Variants in RAB28 observed in about 807,000 individuals in gnomAD.
RAB28 encodes ras-related protein Rab-28.
A neutral mutation model predicts 31.7 loss-of-function variants in RAB28; 24 were observed. The observed-to-expected ratio is 0.76, with a 90% confidence interval of 0.55 to 1.06. The LOEUF (loss-of-function observed/expected upper bound fraction) is 1.06. Ranked by LOEUF, RAB28 falls within the 50% of genes least tolerant of loss-of-function variation. RAB28 has a pLI of 0.00. For synonymous variants in RAB28, 100 were observed against 90.4 expected, an observed-to-expected ratio of 1.11 and a Z score of -0.60; for missense variants, 254 against 258.5, an observed-to-expected ratio of 0.98 and a Z score of 0.12.
intron 4 of RAB28, among the ~76,000 whole-genome samples, chr4:13,392,722 C>T (rs1030731476): frequency 3.3e-5 from 5 of 152,008 alleles, no homozygotes; most frequent in South Asian, 4.1e-4. Flanking sequence ...TTTTCTTGAA[C>T]GTTGCTAAGA....
intron 4 of RAB28, among the ~76,000 whole-genome samples, chr4:13,385,622 C>G (rs1051122497): frequency 1.3e-5 from 2 of 152,136 alleles, no homozygotes; most frequent in African/African-American, 4.8e-5. Flanking sequence ...CCTTTTCAGA[C>G]AAGCAAATGC....
intron 5 of RAB28, among the ~76,000 whole-genome samples, chr4:13,379,366 C>A (rs1729045141): frequency 6.6e-6 from 1 of 151,972 alleles, no homozygotes; most frequent in Non-Finnish European, 1.5e-5. Flanking sequence ...TTTCTCTGGT[C>A]ATGTTCATGG....
chr4:13,484,221 G>A lies in RAB28; in HGVS notation c.-71C>T, dbSNP rs1437254838. The A allele has an allele frequency of 7.1e-6, 9 of 1,275,954 alleles. No homozygotes were observed. The highest frequency in any genetic ancestry group is 1.0e-5 in the Non-Finnish European group (9 of 897,770). The allele number at this position is 1,275,954 out of a possible 1,614,324, so 79.0% of individuals were successfully genotyped here. ...GAAGGATGAAGGCTCCGGGGGCGGG[G>A]GAGAGGAGGAAGGGAGGTAGTTGCG... On this transcript the variant is annotated 5_prime_UTR_variant, in exon 1 of 7. Coordinates refer to ENST00000330852, the MANE Select transcript of RAB28 (RefSeq NM_001017979.3).
chr4:13,483,591 C>T (rs1716717141), intron 1 of RAB28, among the ~76,000 whole-genome samples: 1 of 152,196 alleles, frequency 6.6e-6, no homozygotes, highest in South Asian at 2.1e-4. Flanking sequence ...AACTGATTAG[C>T]AATTTGCCCT....
At chr4:13,483,932 G>A (rs1716740628) in intron 1 of RAB28, 144 bp downstream of exon 1, 2 of 710,908 alleles carry the variant, frequency 2.8e-6, no homozygotes, top group South Asian at 1.9e-5. Context: ...CTTCGTGTCC[G>A]GCCTCAGGCC....
chr4:13,458,925 T>C (rs900096455), intron 4 of RAB28, among the ~76,000 whole-genome samples: 1 of 152,208 alleles, frequency 6.6e-6, no homozygotes, highest in Non-Finnish European at 1.5e-5. Context: ...GGATGCAAAG[T>C]ATTGTTCCTG....
rs982458199 is a variant in RAB28, at chr4:13,384,213, T to C, written c.392-2619A>G. Among the ~76,000 whole-genome samples, 4 of 152,194 alleles carry C rather than the reference T, an allele frequency of 2.6e-5. No homozygotes were observed. In the East Asian group the frequency reaches 7.7e-4, roughly 29 times the overall value. On this transcript the variant is annotated intron_variant, in intron 4 of 6. Transcript: ENST00000330852. ...CATGCACAGAGGGCAGGCACAGACC[T>C]GCACCCGCCAGCACCCGACCCCCAT...
chr4:13,404,116 T>C (rs1174477353), intron 4 of RAB28, among the ~76,000 whole-genome samples: 2 of 152,202 alleles, frequency 1.3e-5, no homozygotes, highest in Non-Finnish European at 2.9e-5. Context: ...CAGTACCTCA[T>C]GCCTCTAATC....
chr4:13,381,409 G>T, intron 5 of RAB28, 82 bp downstream of exon 5: 1 of 997,682 alleles, frequency 1.0e-6, no homozygotes, highest in Non-Finnish European at 1.5e-6. Flanking sequence ...TGCTCCAAAA[G>T]TTAAATAGTG....
intron 6 of RAB28, chr4:13,370,475 A>C (rs966167706): frequency 2.7e-5 from 21 of 773,354 alleles, no homozygotes; most frequent in Non-Finnish European, 2.8e-5. Flanking sequence ...CTGAGGCCCT[A>C]ATGGAAAGAG....
intron 4 of RAB28, among the ~76,000 whole-genome samples, chr4:13,383,863 G>C (rs1729243348): frequency 6.6e-6 from 1 of 152,212 alleles, no homozygotes; most frequent in African/African-American, 2.4e-5. Flanking sequence ...ATGCAGGGCA[G>C]TCCTGCCTAT....
At chr4:13,436,218 G>A (rs1346124269) in intron 4 of RAB28, among the ~76,000 whole-genome samples, 2 of 151,974 alleles carry the variant, frequency 1.3e-5, no homozygotes, top group Admixed American at 6.6e-5. Context: ...AAAATAATAA[G>A]AGCCATCTAT....
At chr4:13,398,330 T>C (rs922213207) in intron 4 of RAB28, among the ~76,000 whole-genome samples, 1 of 152,196 alleles carries the variant, frequency 6.6e-6, no homozygotes, top group African/African-American at 2.4e-5. Context: ...CACAGTGCTA[T>C]AGAGGTTCAT....
At chr4:13,431,750 C>T (rs1043211818) in intron 4 of RAB28, among the ~76,000 whole-genome samples, 1 of 152,006 alleles carries the variant, frequency 6.6e-6, no homozygotes, top group Non-Finnish European at 1.5e-5. Context: ...ACACAATATA[C>T]ACTACAGTAA....
At chr4:13,375,792 CACAGAGAGAGAG>C (rs1207116407) in intron 6 of RAB28, among the ~76,000 whole-genome samples, 2 of 149,098 alleles carry the variant, frequency 1.3e-5, no homozygotes, top group African/African-American at 2.5e-5. Context: ...CACACACACA[CACAGAGAGAGAG>C]AGAGACCATG....
At chr4:13,391,701 T>A (rs536823589) in intron 4 of RAB28, among the ~76,000 whole-genome samples, 1 of 152,166 alleles carries the variant, frequency 6.6e-6, no homozygotes, top group Non-Finnish European at 1.5e-5. Flanking sequence ...GTGGCACATA[T>A]ACAACATGGA....
intron 4 of RAB28, among the ~76,000 whole-genome samples, chr4:13,420,711 T>A (rs184624452): frequency 1.3e-5 from 2 of 152,280 alleles, no homozygotes. Context: ...CAACAGCCCA[T>A]GATGCTAAAA....
intron 4 of RAB28, among the ~76,000 whole-genome samples, chr4:13,432,530 G>A (rs1560290910): frequency 6.6e-6 from 1 of 152,164 alleles, no homozygotes; most frequent in South Asian, 2.1e-4. Flanking sequence ...AAATCTTAGA[G>A]GCAGCTAGAG....
intron 3 of RAB28, among the ~76,000 whole-genome samples, chr4:13,462,100 CA>C (rs1393416456): frequency 6.6e-6 from 1 of 152,172 alleles, no homozygotes; most frequent in Non-Finnish European, 1.5e-5. Context: ...ATAAGGAACT[CA>C]CAGTCTTGCA....
Sources: allele counts gnomAD v4.1 joint callset (sites outside exome capture counted in the v4.1 genomes callset), GRCh38; gene constraint gnomAD v4.1.1; transcripts MANE v1.5; gene names NCBI Gene and HGNC (gene_info 2026-07-23, HGNC 2026-07-21).